Variants in OR51B5 observed in about 807,000 individuals in gnomAD.
The protein encoded by OR51B5 is olfactory receptor 51B5.
For missense variants in OR51B5, 456 were observed against 374.6 expected (o/e 1.22, Z -1.79); for synonymous variants, 186 against 144.8 (o/e 1.28, Z -2.04).
At chr11:5,368,065 T>G (rs1849397675) in intron 1 of OR51B5, among the ~76,000 whole-genome samples, 1 of 152,194 alleles carries the variant, frequency 6.6e-6, no homozygotes, top group African/African-American at 2.4e-5. Flanking sequence ...TCTTTGCTCC[T>G]ATGGAGACCC....
chr11:5,372,104 A>G (rs1212227663), intron 1 of OR51B5, among the ~76,000 whole-genome samples: 1 of 152,160 alleles, frequency 6.6e-6, no homozygotes, highest in Non-Finnish European at 1.5e-5. Flanking sequence ...TATCATACAT[A>G]CATATGACAT....
intron 1 of OR51B5, among the ~76,000 whole-genome samples, chr11:5,378,223 T>C (rs1269781648): frequency 1.3e-5 from 2 of 152,062 alleles, no homozygotes; most frequent in Admixed American, 6.6e-5. Flanking sequence ...GGATTCCCTA[T>C]TTAATAAATG....
intron 1 of OR51B5, among the ~76,000 whole-genome samples, chr11:5,486,150 C>A (rs558091132): frequency 7.3e-6 from 1 of 136,226 alleles, no homozygotes; most frequent in African/African-American, 2.7e-5. Context: ...TGTTATTAAA[C>A]CTCTCAGTCT....
At chr11:5,476,349 C>G (rs1339397941) in intron 1 of OR51B5, among the ~76,000 whole-genome samples, 3 of 152,182 alleles carry the variant, frequency 2.0e-5, no homozygotes, top group Non-Finnish European at 2.9e-5. Context: ...ACAAATCACA[C>G]AAGTGACAAC....
intron 1 of OR51B5, among the ~76,000 whole-genome samples, chr11:5,483,599 AAG>A (rs2133810028): frequency 6.6e-6 from 1 of 152,168 alleles, no homozygotes; most frequent in Non-Finnish European, 1.5e-5. Context: ...AGAAGTGAAA[AAG>A]AGATCAGAAT....
At chr11:5,365,064 A>G (rs908098400) in intron 1 of OR51B5, among the ~76,000 whole-genome samples, 2 of 152,240 alleles carry the variant, frequency 1.3e-5, no homozygotes, top group South Asian at 2.1e-4. Context: ...GGGACACTCA[A>G]TAAAACCAAA....
At chr11:5,388,410 T>C (rs1849735163) in intron 1 of OR51B5, among the ~76,000 whole-genome samples, 1 of 151,548 alleles carries the variant, frequency 6.6e-6, no homozygotes, top group East Asian at 1.9e-4. Flanking sequence ...TAAGAAGGCC[T>C]TCTGAAGGAC....
chr11:5,343,561 G>A (rs1014068780), upstream of OR51B5: 9 of 695,172 alleles, frequency 1.3e-5, no homozygotes, highest in Non-Finnish European at 2.3e-5. Context: ...TTCTGTTTCT[G>A]TTATTACCAC....
intron 1 of OR51B5, among the ~76,000 whole-genome samples, chr11:5,488,132 T>C (rs1237935411): frequency 6.6e-6 from 1 of 152,164 alleles, no homozygotes; most frequent in Non-Finnish European, 1.5e-5. Context: ...AATACAGTCA[T>C]GGGCAGTGTA....
At chr11:5,343,512 C>T (rs11036913) in exon 1 of OR51B5, 392,256 of 974,002 alleles carry the variant, frequency 0.4, 82,321 homozygotes, top group Admixed American at 0.47. Flanking sequence ...TGGGAGCTGC[C>T]GCTGGACGAC....
chr11:5,497,056 AAAAAAAAAAG>A (rs1564833717), intron 1 of OR51B5, among the ~76,000 whole-genome samples: 2 of 24,404 alleles, frequency 8.2e-5, no homozygotes, highest in African/African-American at 2.6e-4. Context: ...AAAAAAAAAA[AAAAAAAAAAG>A]AGAGAGGAAA....
intron 1 of OR51B5, among the ~76,000 whole-genome samples, chr11:5,464,642 T>C (rs955830131): frequency 3.4e-4 from 51 of 152,082 alleles, no homozygotes; most frequent in Non-Finnish European, 5.9e-4. Flanking sequence ...CTGCATAGTA[T>C]TCCATGGTGT....
chr11:5,493,062 T>C (rs1180107759), intron 1 of OR51B5, among the ~76,000 whole-genome samples: 16 of 152,212 alleles, frequency 1.1e-4, no homozygotes, highest in Non-Finnish European at 2.9e-5. Context: ...TAAAGGAATA[T>C]GGCTGAATGG....
At chr11:5,503,135 A>G (rs1006235723) in intron 1 of OR51B5, among the ~76,000 whole-genome samples, 3 of 152,202 alleles carry the variant, frequency 2.0e-5, no homozygotes, top group East Asian at 3.8e-4. Context: ...GAATTTTTCT[A>G]TATTCTTATT....
At chr11:5,424,483 T>C (rs1001629835) in intron 1 of OR51B5, among the ~76,000 whole-genome samples, 7 of 152,142 alleles carry the variant, frequency 4.6e-5, no homozygotes, top group East Asian at 1.9e-4. Flanking sequence ...TCTTCCCCTC[T>C]GCAAATGGCA....
chr11:5,453,320 C>T (rs946976406), intron 1 of OR51B5: 6 of 458,186 alleles, frequency 1.3e-5, no homozygotes, highest in Non-Finnish European at 1.5e-5. Context: ...AGGAGTTTGC[C>T]TGCATCATCT....
intron 1 of OR51B5, among the ~76,000 whole-genome samples, chr11:5,384,624 A>G (rs1589966846): frequency 6.6e-6 from 1 of 151,902 alleles, no homozygotes; most frequent in Admixed American, 6.6e-5. Flanking sequence ...TGGTCTCTAT[A>G]CTCTTTCCTG....
intron 1 of OR51B5, among the ~76,000 whole-genome samples, chr11:5,461,139 G>C (rs1482296228): frequency 6.6e-6 from 1 of 152,208 alleles, no homozygotes; most frequent in Non-Finnish European, 1.5e-5. Context: ...CCACTGATGG[G>C]GTGGCAAGTG....
At chr11:5,444,405 T>C (rs1387617329) in intron 1 of OR51B5, among the ~76,000 whole-genome samples, 1 of 152,052 alleles carries the variant, frequency 6.6e-6, no homozygotes, top group Non-Finnish European at 1.5e-5. Context: ...TGATATGTGG[T>C]TTGGTATTAT....
Sources: allele counts gnomAD v4.1 joint callset (sites outside exome capture counted in the v4.1 genomes callset), GRCh38; gene constraint gnomAD v4.1.1; transcripts MANE v1.5; gene names NCBI Gene and HGNC (gene_info 2026-07-23, HGNC 2026-07-21).